The following H1-5 variants were observed in gnomAD, a reference collection of about 807,000 sequenced individuals.
H1-5 encodes the protein H1.5 linker histone, cluster member, also known as histone H1.5.
A neutral mutation model predicts 4.6 loss-of-function variants in H1-5; 3 were observed. That is an observed-to-expected ratio of 0.65 (90% confidence interval 0.30 to 1.68). The LOEUF is 1.68. Among genes scored for constraint, H1-5 ranks in the 40% most tolerant of loss-of-function variants. H1-5 has a pLI of 0.10. For synonymous variants in H1-5, 250 were observed against 123.4 expected, an observed-to-expected ratio of 2.03 and a Z score of -6.80; for missense variants, 521 against 287.9, an observed-to-expected ratio of 1.81 and a Z score of -5.86.
Position 27,867,494 on chromosome 6 carries a change from TG to T in H1-5, c.35del (p.Pro12GlnfsTer35). The part of the protein sequence containing the change: ...SETAPAETAT[P>X]APVEKSPAKK... ...TAGCCGGGGATTTCTCCACCGGCGCTGGGGTGGCTGTCTCGGCAGGAGCGGT... is the reference window on the plus strand; with the variant it reads ...TAGCCGGGGATTTCTCCACCGGCGCTGGGTGGCTGTCTCGGCAGGAGCGGT... On this transcript the variant is annotated frameshift_variant, in exon 1 of 1. Transcript: ENST00000331442. LOFTEE classifies it high-confidence loss of function. 6.4e-7 allele frequency: 1 copy of T among 1,570,926 alleles called. No homozygotes were observed. The highest frequency in any genetic ancestry group is 8.6e-7 in the Non-Finnish European group (1 of 1,162,496).
Position 27,866,912 on chromosome 6 carries a change from A to T in H1-5, c.618T>A (p.Ala206=). ...CTTTAGGTTTTGCTGCTTTGGGCTT[A>T]GCGGCTTTGGGCTTTGCCGCCTTCG... The part of the protein sequence containing the change: ...VKPKAAKPKA[A]KPKAAKPKAA... The change falls in exon 1 of 1, where the codon GCT becomes GCA. Residue 206 remains alanine, a synonymous_variant. Coordinates refer to ENST00000331442, the MANE Select transcript of H1-5 (RefSeq NM_005322.3). 1.9e-6 allele frequency: 3 copies of T among 1,612,916 alleles called. No homozygotes were observed. The highest frequency in any genetic ancestry group is 2.2e-5 in the East Asian group (1 of 44,858).
chr6:27,867,098 C>T lies in H1-5; in HGVS notation c.432G>A (p.Lys144=), dbSNP rs746973357. Reference sequence around the variant, plus strand: ...TCACTGCCTTTTTCGCCCCTGCAGCCTTCTTGGCCTTCTTAGGCGTGGCCC... The same window carrying T: ...TCACTGCCTTTTTCGCCCCTGCAGCTTTCTTGGCCTTCTTAGGCGTGGCCC... ...PAGATPKKAK[K]AAGAKKAVKK... The change falls in exon 1 of 1, where the codon AAG becomes AAA. Residue 144 remains lysine, a synonymous_variant. Coordinates refer to ENST00000331442, the MANE Select transcript of H1-5 (RefSeq NM_005322.3). 5 of 1,613,790 alleles carry T rather than the reference C, an allele frequency of 3.1e-6. No individual in the cohort carries two copies. The highest frequency in any genetic ancestry group is 2.2e-5 in the South Asian group (2 of 91,060).
Position 27,867,298 on chromosome 6 carries a change from TCTC to T in H1-5, c.229_231del (p.Glu77del). 2 of 1,614,190 alleles carry T rather than the reference TCTC, an allele frequency of 1.2e-6. No individual in the cohort carries two copies. The highest frequency in any genetic ancestry group is 1.7e-6 in the Non-Finnish European group (2 of 1,180,034). On this transcript the variant is annotated inframe_deletion, in exon 1 of 1. Coordinates refer to ENST00000331442, the MANE Select transcript of H1-5 (RefSeq NM_005322.3). ...CCCAGCTTAATGCGGCTGTTATTCTTCTCCACGTCGTAGCCACCGGCCGCTAAG... is the reference window on the plus strand; with the variant it reads ...CCCAGCTTAATGCGGCTGTTATTCTTCACGTCGTAGCCACCGGCCGCTAAG...
chr6:27,867,530 G>C lies in H1-5; in HGVS notation c.-1C>G. ...TCTCGGCAGGAGCGGTTTCCGACATGGTGGCAAGAAACTGCTAGAAGAGAA... is the reference window on the plus strand; with the variant it reads ...TCTCGGCAGGAGCGGTTTCCGACATCGTGGCAAGAAACTGCTAGAAGAGAA... On this transcript the variant is annotated 5_prime_UTR_variant, in exon 1 of 1. Coordinates refer to ENST00000331442, the MANE Select transcript of H1-5 (RefSeq NM_005322.3). 6.5e-7 allele frequency: 1 copy of C among 1,538,342 alleles called. No homozygotes were observed. Among genetic ancestry groups the C allele is most frequent in the African/African-American group, 1.4e-5 (1 of 72,026 alleles).
In H1-5 at chr6:27,867,473, C is replaced by T. The variant is rs143448693; in HGVS notation, c.57G>A (p.Pro19=). The change falls in exon 1 of 1, where the codon CCG becomes CCA. Residue 19 remains proline (P), a synonymous_variant. Coordinates refer to ENST00000331442, the MANE Select transcript of H1-5 (RefSeq NM_005322.3). ...TATPAPVEKS[P]AKKKATKKAA... The stretch of plus-strand genomic sequence containing the variant: ...CCTTCTTAGTTGCCTTCTTCTTAGC[C>T]GGGGATTTCTCCACCGGCGCTGGGG... 26 of 1,588,978 alleles carry T rather than the reference C, an allele frequency of 1.6e-5. No homozygotes were observed. The highest frequency in any genetic ancestry group is 2.0e-5 in the Non-Finnish European group (23 of 1,169,872).
rs745982828 is a variant in H1-5 at position 27,866,844 on chromosome 6, G to C, written c.*5C>G. On this transcript the variant is annotated 3_prime_UTR_variant, in exon 1 of 1. Coordinates refer to ENST00000331442, the MANE Select transcript of H1-5 (RefSeq NM_005322.3). ...GCTTTGTTGCGGTTTTCACACGCCAGCTTCCTACTTCTTTTTGGCAGCCGC... is the reference window on the plus strand; with the variant it reads ...GCTTTGTTGCGGTTTTCACACGCCACCTTCCTACTTCTTTTTGGCAGCCGC... The C allele has an allele frequency of 6.3e-7, 1 of 1,583,728 alleles. No homozygotes were observed. The highest frequency in any genetic ancestry group is 1.2e-5 in the South Asian group (1 of 85,946).
chr6:27,867,056 CTTCTTCGGA>C lies in H1-5; in HGVS notation c.465_473del (p.Pro156_Lys158del). On this transcript the variant is annotated inframe_deletion, in exon 1 of 1. Coordinates refer to ENST00000331442, the MANE Select transcript of H1-5 (RefSeq NM_005322.3). ...CGCCAGCCGCCGCGGGCTTCTTCGC[CTTCTTCGGA>C]GTCTTCTTCACTGCCTTTTTCGCCC... 6.2e-7 allele frequency: 1 copy of C among 1,613,674 alleles called. No homozygotes were observed. The highest frequency in any genetic ancestry group is 8.5e-7 in the Non-Finnish European group (1 of 1,179,874).
In H1-5 at chr6:27,867,166, T is replaced by G. The variant is rs1166966909; in HGVS notation, c.364A>C (p.Lys122Gln). Reference sequence around the variant, plus strand: ...TTAGCGGCGCCTGCCTTCTTGGCTTTGGGCTTGGCTTCCCCGGAGGCCGCC... The same window carrying G: ...TTAGCGGCGCCTGCCTTCTTGGCTTGGGGCTTGGCTTCCCCGGAGGCCGCC... ...KKAASGEAKP[K>Q]AKKAGAAKAK... Residue 122 changes from lysine (K) to glutamine (Q), a missense_variant, in exon 1 of 1, where the codon AAA becomes CAA. By Grantham distance (53) the Lys-to-Gln change is moderately conservative. Coordinates refer to ENST00000331442, the MANE Select transcript of H1-5 (RefSeq NM_005322.3). 2 of 1,614,092 alleles carry G rather than the reference T, an allele frequency of 1.2e-6. No homozygotes were observed.
In H1-5 at chr6:27,866,970, G is replaced by C; in HGVS notation, c.560C>G (p.Thr187Ser). ...AKAAAKPKKATKSPAKPKAVK... is the reference protein window; with the variant it reads ...AKAAAKPKKASKSPAKPKAVK... ...TGCCTTGGGCTTGGCAGGACTCTTG[G>C]TTGCCTTTTTCGGTTTGGCAGCGGC... The change falls in exon 1 of 1, where the codon ACC (threonine) becomes AGC (serine). Residue 187 changes from threonine to serine, a missense_variant. By Grantham distance (58) the Thr-to-Ser change is moderately conservative (BLOSUM62 1). Transcript: ENST00000331442. 1 of 1,614,224 alleles carries C rather than the reference G, an allele frequency of 6.2e-7. No individual in the cohort carries two copies. Among genetic ancestry groups the C allele is most frequent in the Non-Finnish European group, 8.5e-7 (1 of 1,180,038 alleles).
chr6:27,867,191 C>T lies in H1-5; in HGVS notation c.339G>A (p.Lys113=). ...TGGGCTTGGCTTCCCCGGAGGCCGC[C>T]TTCTTGTTGAGTTTAAAGGAGCCAG... ...GASGSFKLNK[K]AASGEAKPKA... Residue 113 remains lysine (K), a synonymous_variant, in exon 1 of 1, where the codon AAG becomes AAA. Transcript: ENST00000331442. The T allele has an allele frequency of 6.2e-7, 1 of 1,614,228 alleles. No homozygotes were observed. The highest frequency in any genetic ancestry group is 8.5e-7 in the Non-Finnish European group (1 of 1,180,042).
chr6:27,867,118 T>A lies in H1-5; in HGVS notation c.412A>T (p.Thr138Ser). Reference protein sequence around the residue: ...AAKAKKPAGATPKKAKKAAGA... With the variant: ...AAKAKKPAGASPKKAKKAAGA... ...GCAGCCTTCTTGGCCTTCTTAGGCG[T>A]GGCCCCCGCGGGCTTCTTAGCTTTA... Residue 138 changes from threonine to serine, a missense_variant, in exon 1 of 1, where the codon ACG becomes TCG. By Grantham distance (58) the Thr-to-Ser change is moderately conservative. Transcript: ENST00000331442. The A allele has an allele frequency of 6.2e-7, 1 of 1,614,014 alleles. No homozygotes were observed. The highest frequency in any genetic ancestry group is 1.7e-4 in the Middle Eastern group (1 of 6,040).
Position 27,867,383 on chromosome 6 carries a change from C to T in H1-5, c.147G>A (p.Lys49=), listed in dbSNP as rs746652781. The T allele has an allele frequency of 1.9e-6, 3 of 1,614,280 alleles. No individual in the cohort carries two copies. The highest frequency in any genetic ancestry group is 1.7e-5 in the Admixed American group (1 of 60,036). The stretch of plus-strand genomic sequence containing the variant: ...TGCGCTCCTTAGAAGCAGCCACAGC[C>T]TTGGTGATCAGCTCTGAGACTGGGG... ...TGPPVSELIT[K]AVAASKERNG... is the part of the protein sequence containing the mutation. The change falls in exon 1 of 1, where the codon AAG becomes AAA. Residue 49 remains lysine (K), a synonymous_variant. Transcript: ENST00000331442.
In H1-5 at chr6:27,867,321, G is replaced by T; in HGVS notation, c.209C>A (p.Ala70Glu). 6.2e-7 allele frequency: 1 copy of T among 1,614,244 alleles called. No homozygotes were observed. The highest frequency in any genetic ancestry group is 8.5e-7 in the Non-Finnish European group (1 of 1,180,044). ...LSLAALKKALAAGGYDVEKNN... is the reference protein window; with the variant it reads ...LSLAALKKALEAGGYDVEKNN... ...CTTCTCCACGTCGTAGCCACCGGCC[G>T]CTAAGGCCTTCTTAAGGGCTGCCAA... The change falls in exon 1 of 1, where the codon GCG (alanine) becomes GAG (glutamate). Residue 70 changes from alanine (A) to glutamate (E), a missense_variant. Ala to Glu is a moderately radical substitution (Grantham distance 107). Coordinates refer to ENST00000331442, the MANE Select transcript of H1-5 (RefSeq NM_005322.3).
chr6:27,866,993 G>C lies in H1-5; in HGVS notation c.537C>G (p.Ala179=), dbSNP rs146157091. ...KVAKSPKKAK[A]AAKPKKATKS... is the part of the protein sequence containing the mutation. ...TGGTTGCCTTTTTCGGTTTGGCAGC[G>C]GCCTTGGCCTTCTTAGGGCTCTTCG... Residue 179 remains alanine, a synonymous_variant, in exon 1 of 1, where the codon GCC becomes GCG. Coordinates refer to ENST00000331442, the MANE Select transcript of H1-5 (RefSeq NM_005322.3). 5 of 1,614,198 alleles carry C rather than the reference G, an allele frequency of 3.1e-6. No homozygotes were observed. Among genetic ancestry groups the C allele is most frequent in the Non-Finnish European group, 4.2e-6 (5 of 1,180,032 alleles).
Position 27,867,080 on chromosome 6 carries a change from C to G in H1-5, c.450G>C (p.Lys150Asn). 2 of 1,613,828 alleles carry G rather than the reference C, an allele frequency of 1.2e-6. No homozygotes were observed. Among genetic ancestry groups the G allele is most frequent in the Non-Finnish European group, 1.7e-6 (2 of 1,179,890 alleles). Residue 150 changes from lysine to asparagine, a missense_variant, in exon 1 of 1, where the codon AAG becomes AAC. Physicochemically the swap from Lys to Asn is moderately conservative, Grantham distance 94. Coordinates refer to ENST00000331442, the MANE Select transcript of H1-5 (RefSeq NM_005322.3). ...KKAKKAAGAK[K>N]AVKKTPKKAK... is the part of the protein sequence containing the mutation. ...CCTTCTTCGGAGTCTTCTTCACTGCCTTTTTCGCCCCTGCAGCCTTCTTGG... is the reference window on the plus strand; with the variant it reads ...CCTTCTTCGGAGTCTTCTTCACTGCGTTTTTCGCCCCTGCAGCCTTCTTGG...
In H1-5 at chr6:27,867,120, GC is replaced by G. The variant is rs1237382371; in HGVS notation, c.409del (p.Ala137ProfsTer16). Reference protein sequence around the residue: ...GAAKAKKPAGATPKKAKKAAG... With the variant: ...GAAKAKKPAGXTPKKAKKAAG... ...AGCCTTCTTGGCCTTCTTAGGCGTGGCCCCCGCGGGCTTCTTAGCTTTAGCG... is the reference window on the plus strand; with the variant it reads ...AGCCTTCTTGGCCTTCTTAGGCGTGGCCCCGCGGGCTTCTTAGCTTTAGCG... On this transcript the variant is annotated frameshift_variant, in exon 1 of 1. Coordinates refer to ENST00000331442, the MANE Select transcript of H1-5 (RefSeq NM_005322.3). LOFTEE classifies it low-confidence loss of function (END_TRUNC). 1.2e-6 allele frequency: 2 copies of G among 1,613,818 alleles called. No homozygotes were observed. Among genetic ancestry groups the G allele is most frequent in the African/African-American group, 1.3e-5 (1 of 74,888 alleles).
Position 27,867,493 on chromosome 6 carries a change from C to T in H1-5, c.37G>A (p.Ala13Thr), listed in dbSNP as rs1224259126. The stretch of plus-strand genomic sequence containing the variant: ...TTAGCCGGGGATTTCTCCACCGGCG[C>T]TGGGGTGGCTGTCTCGGCAGGAGCG... ...ETAPAETATP[A>T]PVEKSPAKKK... The change falls in exon 1 of 1, where the codon GCG becomes ACG. Residue 13 changes from alanine (A) to threonine (T), a missense_variant. Ala to Thr is a moderately conservative substitution (Grantham distance 58). Transcript: ENST00000331442. 5 of 1,570,768 alleles carry T rather than the reference C, an allele frequency of 3.2e-6. No individual in the cohort carries two copies. The highest frequency in any genetic ancestry group is 1.4e-5 in the African/African-American group (1 of 72,762).
rs776382299 is a variant in H1-5, at chr6:27,866,873, C to G, written c.657G>C (p.Lys219Asn). 7 of 1,599,078 alleles carry G rather than the reference C, an allele frequency of 4.4e-6. No homozygotes were observed. The highest frequency in any genetic ancestry group is 6.0e-6 in the Non-Finnish European group (7 of 1,175,994). Reference sequence around the variant, plus strand: ...CCTACTTCTTTTTGGCAGCCGCCTTCTTGGCCTTTGCAGCTTTAGGTTTTG... The same window carrying G: ...CCTACTTCTTTTTGGCAGCCGCCTTGTTGGCCTTTGCAGCTTTAGGTTTTG... ...KAAKPKAAKAKKAAAKKK is the reference protein window; with the variant it reads ...KAAKPKAAKANKAAAKKK The change falls in exon 1 of 1, where the codon AAG becomes AAC. Residue 219 changes from lysine to asparagine, a missense_variant. Transcript: ENST00000331442.
rs970755186 is a variant in H1-5 at position 27,867,200 on chromosome 6, G to T, written c.330C>A (p.Leu110=). The T allele has an allele frequency of 6.2e-7, 1 of 1,614,228 alleles. No homozygotes were observed. Among genetic ancestry groups the T allele is most frequent in the Non-Finnish European group, 8.5e-7 (1 of 1,180,042 alleles). The change falls in exon 1 of 1, where the codon CTC becomes CTA. Residue 110 remains leucine, a synonymous_variant. Coordinates refer to ENST00000331442, the MANE Select transcript of H1-5 (RefSeq NM_005322.3). ...KGTGASGSFK[L]NKKAASGEAK... The stretch of plus-strand genomic sequence containing the variant: ...CTTCCCCGGAGGCCGCCTTCTTGTT[G>T]AGTTTAAAGGAGCCAGAAGCACCAG...
Sources: allele counts gnomAD v4.1 joint callset, GRCh38; gene constraint gnomAD v4.1.1; transcripts MANE v1.5; gene names NCBI Gene and HGNC (gene_info 2026-07-23, HGNC 2026-07-21).